The following DLC1 variants were observed in gnomAD, a reference collection of about 807,000 sequenced individuals.
DLC1 encodes the protein rho GTPase-activating protein 7.
DLC1 carries 54 observed loss-of-function variants against 140.3 expected under a neutral mutation model. That is an observed-to-expected ratio of 0.38 (90% CI 0.31 to 0.48). The LOEUF (loss-of-function observed/expected upper bound fraction) is 0.48, where lower values mean the gene tolerates loss of function less well. DLC1 is among the 20% of genes least tolerant of loss of function. DLC1 has a pLI of 0.96. For synonymous variants in DLC1, 986 were observed against 728.1 expected (o/e 1.35, Z -5.70); for missense variants, 2,536 against 1,907.0 (o/e 1.33, Z -6.14).
intron 2 of DLC1, among the ~76,000 whole-genome samples, chr8:13,438,530 A>T (rs184475727): frequency 1.3e-5 from 2 of 152,244 alleles, no homozygotes; most frequent in Non-Finnish European, 2.9e-5. Flanking sequence ...ATCCTGATTT[A>T]CTGTAGCTGA....
At chr8:13,434,622 C>T (rs963610123) in intron 2 of DLC1, among the ~76,000 whole-genome samples, 2 of 152,168 alleles carry the variant, frequency 1.3e-5, no homozygotes, top group Admixed American at 6.5e-5. Flanking sequence ...TGCCTGCTAA[C>T]ACCACATCCA....
chr8:13,169,066 A>G (rs1421788488), intron 5 of DLC1, among the ~76,000 whole-genome samples: 1 of 152,248 alleles, frequency 6.6e-6, no homozygotes, highest in Non-Finnish European at 1.5e-5. Flanking sequence ...ATAGGCATCT[A>G]TCTTCATCTT....
intron 4 of DLC1, among the ~76,000 whole-genome samples, chr8:13,330,821 G>C (rs533226304): frequency 1.3e-5 from 2 of 152,174 alleles, no homozygotes; most frequent in African/African-American, 4.8e-5. Flanking sequence ...TCTACAAACT[G>C]AACATGACTC....
chr8:13,338,031 C>A (rs1394983254), intron 4 of DLC1, among the ~76,000 whole-genome samples: 1 of 152,170 alleles, frequency 6.6e-6, no homozygotes, highest in Non-Finnish European at 1.5e-5. Flanking sequence ...GCTAGAGGAA[C>A]TTAATATGGT....
At chr8:13,091,478 AT>A (rs1399281597) in intron 13 of DLC1, 46 bp from the exon 14 acceptor site, 2 of 1,535,178 alleles carry the variant, frequency 1.3e-6, no homozygotes, top group Non-Finnish European at 1.8e-6. Context: ...ATATTTATAT[AT>A]TTTTCTTCAA....
intron 4 of DLC1, among the ~76,000 whole-genome samples, chr8:13,346,764 C>T (rs1171929271): frequency 6.6e-6 from 1 of 152,172 alleles, no homozygotes; most frequent in Non-Finnish European, 1.5e-5. Context: ...GTTATTGGCT[C>T]TCTTGCTTCC....
chr8:13,280,790 AAGAATGTGAATAATGATGG>A (rs1426607921), intron 5 of DLC1, among the ~76,000 whole-genome samples: 1 of 152,200 alleles, frequency 6.6e-6, no homozygotes, highest in Admixed American at 6.5e-5. Flanking sequence ...ATCCTTTCAA[AAGAATGTGAATAATGATGG>A]GAAATGAAAA....
intron 5 of DLC1, 122 bp from the exon 6 acceptor site, chr8:13,115,779 G>A (rs1820504242): frequency 3.4e-6 from 3 of 879,230 alleles, no homozygotes; most frequent in East Asian, 2.5e-5. Context: ...ATACAGATAA[G>A]CAAACAGACA....
At chr8:13,535,667 A>T (rs1803251610) in intron 1 of DLC1, among the ~76,000 whole-genome samples, 1 of 34,112 alleles carries the variant, frequency 2.9e-5, no homozygotes, top group African/African-American at 1.6e-4. Context: ...ATCATTGCTC[A>T]TTAAAAAAAA....
At chr8:13,206,540 C>A (rs988949849) in intron 5 of DLC1, among the ~76,000 whole-genome samples, 1 of 151,886 alleles carries the variant, frequency 6.6e-6, no homozygotes, top group Admixed American at 6.6e-5. Flanking sequence ...GTAAATGGCT[C>A]GTTTAACAAA....
chr8:13,546,248 G>T (rs17094601), intron 1 of DLC1, among the ~76,000 whole-genome samples: 1 of 151,888 alleles, frequency 6.6e-6, no homozygotes, highest in Non-Finnish European at 1.5e-5. Flanking sequence ...GAATTTTATG[G>T]TCTGAAATTA....
At chr8:13,538,830 G>C (rs1163973005) in intron 1 of DLC1, among the ~76,000 whole-genome samples, 1 of 152,132 alleles carries the variant, frequency 6.6e-6, no homozygotes, top group Non-Finnish European at 1.5e-5. Context: ...GCAAAATATT[G>C]CTTGAAGAAA....
intron 5 of DLC1, among the ~76,000 whole-genome samples, chr8:13,292,012 G>C (rs560840621): frequency 6.8e-6 from 1 of 147,316 alleles, no homozygotes; most frequent in East Asian, 2.0e-4. Context: ...TCTATCTTCT[G>C]TCTGTAATCT....
chr8:13,383,555 C>G (rs995460974), intron 4 of DLC1, among the ~76,000 whole-genome samples: 1 of 152,172 alleles, frequency 6.6e-6, no homozygotes, highest in African/African-American at 2.4e-5. Flanking sequence ...GGCACATTGT[C>G]ACATTGTGGT....
chr8:13,305,088 A>C (rs973406893), intron 5 of DLC1, 181 bp downstream of exon 5: 2 of 1,281,974 alleles, frequency 1.6e-6, no homozygotes, highest in Non-Finnish European at 9.9e-7. Context: ...TTATGTCAGA[A>C]AACCACGTAT....
At chr8:13,399,983 G>T (rs1264461972) in intron 3 of DLC1, among the ~76,000 whole-genome samples, 1 of 152,028 alleles carries the variant, frequency 6.6e-6, no homozygotes, top group Non-Finnish European at 1.5e-5. Flanking sequence ...TTGGTAGATG[G>T]TCCAGGTCCT....
intron 5 of DLC1, among the ~76,000 whole-genome samples, chr8:13,129,010 C>G (rs1821851776): frequency 6.6e-6 from 1 of 151,524 alleles, no homozygotes; most frequent in African/African-American, 2.4e-5. Flanking sequence ...GTTCTTATCA[C>G]TGATCATGGT....
At chr8:13,235,409 A>G (rs535491616) in intron 5 of DLC1, among the ~76,000 whole-genome samples, 4 of 152,184 alleles carry the variant, frequency 2.6e-5, no homozygotes, top group Non-Finnish European at 4.4e-5. Flanking sequence ...TTCTCCTCAA[A>G]GCTTATGGCC....
intron 5 of DLC1, chr8:13,276,767 G>C (rs1831191243): frequency 5.1e-6 from 1 of 195,042 alleles, no homozygotes; most frequent in Non-Finnish European, 9.1e-6. Flanking sequence ...GTGACCTCGC[G>C]TTTTCAAAGG....
Sources: gnomAD v4.1 joint callset for allele counts (sites outside exome capture counted in the v4.1 genomes callset) on GRCh38, gnomAD v4.1.1 for gene constraint, MANE v1.5 for transcripts, NCBI Gene and HGNC (gene_info 2026-07-23, HGNC 2026-07-21) for gene names.